Variants in ANKRD28 observed in about 807,000 individuals in gnomAD.
The protein encoded by ANKRD28 is serine/threonine-protein phosphatase 6 regulatory ankyrin repeat subunit A.
In ANKRD28, 44 loss-of-function variants were observed where a neutral mutation model predicts 126.5. That is an observed-to-expected ratio of 0.35 (90% confidence interval 0.27 to 0.45). ANKRD28 has a LOEUF of 0.45. Ranked by LOEUF, ANKRD28 falls within the 20% of genes least tolerant of loss-of-function variation. The pLI, the probability that ANKRD28 is intolerant of heterozygous loss-of-function variation, is 1.00. For synonymous variants in ANKRD28, 442 were observed against 468.5 expected, an observed-to-expected ratio of 0.94 and a Z score of 0.73; for missense variants, 1,110 against 1,316.6, an observed-to-expected ratio of 0.84 and a Z score of 2.43.
chr3:15,840,101 A>G (rs375864992), intron 1 of ANKRD28, among the ~76,000 whole-genome samples: 2 of 152,328 alleles, frequency 1.3e-5, no homozygotes, highest in South Asian at 4.1e-4. Flanking sequence ...AAGGAAGTCC[A>G]ATTATCCTTG....
chr3:15,715,994 CTTTTT>C (rs5846874), intron 8 of ANKRD28, among the ~76,000 whole-genome samples: 1 of 142,712 alleles, frequency 7.0e-6, no homozygotes, highest in Non-Finnish European at 1.6e-5. Flanking sequence ...TTTTTTCTCT[CTTTTT>C]TTTTTTTGAG....
intron 2 of ANKRD28, among the ~76,000 whole-genome samples, chr3:15,770,012 C>T (rs2058922496): frequency 6.6e-6 from 1 of 150,688 alleles, no homozygotes; most frequent in African/African-American, 2.4e-5. Context: ...GACTCCACAT[C>T]CATTGAAAAA....
At chr3:15,750,762 G>A (rs1352220833) in intron 4 of ANKRD28, among the ~76,000 whole-genome samples, 1 of 152,158 alleles carries the variant, frequency 6.6e-6, no homozygotes, top group Non-Finnish European at 1.5e-5. Flanking sequence ...ACTAGTTAGA[G>A]TTCCCTTTCC....
At chr3:15,766,970 A>T (rs1016188827) in intron 2 of ANKRD28, among the ~76,000 whole-genome samples, 1 of 152,258 alleles carries the variant, frequency 6.6e-6, no homozygotes, top group African/African-American at 2.4e-5. Context: ...AAATGTTTTC[A>T]CAACAGTACC....
intron 1 of ANKRD28, among the ~76,000 whole-genome samples, chr3:15,844,883 G>A (rs2061497671): frequency 6.6e-6 from 1 of 152,222 alleles, no homozygotes; most frequent in Non-Finnish European, 1.5e-5. Flanking sequence ...ATAAAGAAAA[G>A]AGGTTTAATT....
chr3:15,775,387 A>G (rs1189948043), intron 2 of ANKRD28, among the ~76,000 whole-genome samples: 2 of 152,186 alleles, frequency 1.3e-5, no homozygotes, highest in Admixed American at 1.3e-4. Flanking sequence ...TCATAAAGCA[A>G]TTCCCCGGAG....
chr3:15,704,372 T>G (rs894935415), intron 14 of ANKRD28, among the ~76,000 whole-genome samples: 2 of 152,078 alleles, frequency 1.3e-5, no homozygotes, highest in African/African-American at 4.8e-5. Context: ...CAGAGCAGAA[T>G]TATAATTACT....
In ANKRD28 at chr3:15,775,393, C is replaced by T. The variant is rs192061056; in HGVS notation, c.202-9081G>A. Among the ~76,000 whole-genome samples the T allele has an allele frequency of 9.9e-5, 15 of 152,192 alleles. No individual in the cohort carries two copies. In the East Asian group the frequency reaches 1.9e-3, roughly 20 times the overall value. ...GTTGTTTCCTCATAAAGCAATTCCCCGGAGGACACCAGCTGGGTGTACTCT... is the reference window on the plus strand; with the variant it reads ...GTTGTTTCCTCATAAAGCAATTCCCTGGAGGACACCAGCTGGGTGTACTCT... On this transcript the variant is annotated intron_variant, in intron 2 of 27. Coordinates refer to ENST00000683139, the MANE Select transcript of ANKRD28 (RefSeq NM_001349278.2).
At chr3:15,811,540 T>C (rs1369455069) in intron 1 of ANKRD28, among the ~76,000 whole-genome samples, 4 of 152,186 alleles carry the variant, frequency 2.6e-5, no homozygotes, top group South Asian at 2.1e-4. Flanking sequence ...CTGCAACCTC[T>C]GTCTCCTGGG....
intron 6 of ANKRD28, among the ~76,000 whole-genome samples, chr3:15,734,658 C>A (rs895188366): frequency 4.6e-5 from 7 of 152,182 alleles, no homozygotes; most frequent in African/African-American, 1.7e-4. Flanking sequence ...GGATTTATGG[C>A]AAGGTGTACT....
chr3:15,678,865 A>G (rs1242692247), intron 23 of ANKRD28, among the ~76,000 whole-genome samples: 1 of 152,270 alleles, frequency 6.6e-6, no homozygotes, highest in Admixed American at 6.5e-5. Flanking sequence ...TTGAGATCTT[A>G]TAACAATTTA....
At chr3:15,744,571 C>G (rs564335410) in intron 4 of ANKRD28, among the ~76,000 whole-genome samples, 38 of 152,030 alleles carry the variant, frequency 2.5e-4, no homozygotes, top group African/African-American at 8.9e-4. Flanking sequence ...CCCACCTCAG[C>G]CTCCCAAACT....
intron 3 of ANKRD28, among the ~76,000 whole-genome samples, chr3:15,758,698 C>G (rs987372924): frequency 6.6e-6 from 1 of 152,190 alleles, no homozygotes; most frequent in Non-Finnish European, 1.5e-5. Context: ...GCACCTTGAT[C>G]TCAGACTTAC....
intron 14 of ANKRD28, among the ~76,000 whole-genome samples, chr3:15,700,419 C>T (rs1182104691): frequency 4.0e-5 from 6 of 150,980 alleles, no homozygotes. Context: ...CAAACCTGCA[C>T]GTTGTGCACA....
At chr3:15,826,368 T>C (rs184068738) in intron 1 of ANKRD28, among the ~76,000 whole-genome samples, 10 of 152,314 alleles carry the variant, frequency 6.6e-5, no homozygotes, top group Admixed American at 5.9e-4. Context: ...ACAACAAATG[T>C]ATTATCATGG....
intron 27 of ANKRD28, among the ~76,000 whole-genome samples, chr3:15,671,496 T>C (rs906255381): frequency 6.6e-6 from 1 of 152,162 alleles, no homozygotes; most frequent in African/African-American, 2.4e-5. Context: ...GTTACACCTT[T>C]CTTCTTCCAC....
chr3:15,790,088 T>C (rs1158064296), intron 2 of ANKRD28, among the ~76,000 whole-genome samples: 1 of 151,868 alleles, frequency 6.6e-6, no homozygotes, highest in Non-Finnish European at 1.5e-5. Flanking sequence ...CCTACCAAGA[T>C]TGAAACAAGA....
intron 1 of ANKRD28, among the ~76,000 whole-genome samples, chr3:15,807,103 C>A (rs375603813): frequency 3.3e-5 from 5 of 152,182 alleles, no homozygotes; most frequent in Admixed American, 2.6e-4. Flanking sequence ...TAGGATAACT[C>A]CCTTCATAGC....
intron 6 of ANKRD28, among the ~76,000 whole-genome samples, chr3:15,733,744 C>G (rs2074820043): frequency 6.6e-6 from 1 of 152,076 alleles, no homozygotes; most frequent in African/African-American, 2.4e-5. Context: ...TTTTGTACAT[C>G]ACAATCTTCA....
Sources: allele counts gnomAD v4.1 joint callset (sites outside exome capture counted in the v4.1 genomes callset), GRCh38; gene constraint gnomAD v4.1.1; transcripts MANE v1.5; gene names NCBI Gene and HGNC (gene_info 2026-07-23, HGNC 2026-07-21).